Variants in TFAP2D observed in about 807,000 individuals in gnomAD.
TFAP2D encodes transcription factor AP-2 delta.
TFAP2D carries 9 observed loss-of-function variants against 43.6 expected under a neutral mutation model. The ratio of observed to expected loss-of-function variants is 0.21; its 90% CI spans 0.12 to 0.36. TFAP2D has a LOEUF of 0.36. TFAP2D is among the 10% of genes least tolerant of loss of function. TFAP2D has a pLI of 1.00. For missense variants in TFAP2D, 513 were observed against 561.4 expected (o/e 0.91, Z 0.87); for synonymous variants, 256 against 224.9 (o/e 1.14, Z -1.24).
At chr6:50,742,550 G>A (rs1413698780) in intron 5 of TFAP2D, among the ~76,000 whole-genome samples, 1 of 150,910 alleles carries the variant, frequency 6.6e-6, no homozygotes, top group African/African-American at 2.4e-5. Flanking sequence ...ATGGATGGGT[G>A]GATGGACACA....
chr6:50,741,587 C>A (rs531698356), intron 5 of TFAP2D, among the ~76,000 whole-genome samples: 1 of 151,920 alleles, frequency 6.6e-6, no homozygotes, highest in African/African-American at 2.4e-5. Flanking sequence ...GGCCTAAGAC[C>A]TAAAGACAGA....
In TFAP2D at chr6:50,729,007, A is replaced by C; in HGVS notation, c.750A>C (p.Gly250=). The change falls in exon 4 of 8, where the codon GGA becomes GGC. Residue 250 remains glycine, a synonymous_variant. Coordinates refer to ENST00000008391, the MANE Select transcript of TFAP2D (RefSeq NM_172238.4). The part of the protein sequence containing the change: ...PPECLNASLL[G]GILRRAKSKN... ...AGTGCCTCAATGCTTCACTCTTGGG[A>C]GGCATTTTGAGAAGGTAAGACAAAG... 1 of 1,613,736 alleles carries C rather than the reference A, an allele frequency of 6.2e-7. No individual in the cohort carries two copies. Among genetic ancestry groups the C allele is most frequent in the Non-Finnish European group, 8.5e-7 (1 of 1,179,866 alleles).
chr6:50,735,743 T>A (rs1044110279), intron 5 of TFAP2D, among the ~76,000 whole-genome samples: 1 of 152,190 alleles, frequency 6.6e-6, no homozygotes, highest in Non-Finnish European at 1.5e-5. Flanking sequence ...ATCTTGAGCC[T>A]AAATTATTGC....
rs543242673 is a variant in TFAP2D, at chr6:50,722,376, C to G, written c.598+3226C>G. ...CTGCAGAGATCATATTAATGTTGTA[C>G]GTACAGAGTGGAGCTTTGCCTTCGT... On this transcript the variant is annotated intron_variant, in intron 3 of 7. Transcript: ENST00000008391. 2.0e-5 allele frequency among the ~76,000 whole-genome samples: 3 copies of G among 152,236 alleles called. No individual in the cohort carries two copies. The South Asian group carries it at 6.2e-4, about 32-fold the overall frequency.
chr6:50,757,940 A>G (rs1308217856), intron 7 of TFAP2D, among the ~76,000 whole-genome samples: 2 of 149,054 alleles, frequency 1.3e-5, no homozygotes, highest in African/African-American at 2.5e-5. Flanking sequence ...CTTTTTATCC[A>G]TAGTACATAG....
intron 7 of TFAP2D, among the ~76,000 whole-genome samples, chr6:50,756,014 A>G: frequency 6.6e-6 from 1 of 151,852 alleles, no homozygotes; most frequent in Non-Finnish European, 1.5e-5. Flanking sequence ...GGCATGTGCC[A>G]CCATGCTTGG....
intron 7 of TFAP2D, among the ~76,000 whole-genome samples, chr6:50,763,325 G>A (rs1330737781): frequency 6.6e-6 from 1 of 152,054 alleles, no homozygotes; most frequent in African/African-American, 2.4e-5. Context: ...ATCTTTCAAG[G>A]TTGACAACTG....
Position 50,713,694 on chromosome 6 carries a change from C to A in TFAP2D, c.-362C>A. ...CGAAGATACAATATTTATTCCTTGT[C>A]TCCTGGGATAAATCTCTTCTGCCTA... On this transcript the variant is annotated 5_prime_UTR_variant, in exon 1 of 8. Coordinates refer to ENST00000008391, the MANE Select transcript of TFAP2D (RefSeq NM_172238.4). 3.2e-6 allele frequency: 1 copy of A among 309,198 alleles called. No homozygotes were observed. Among genetic ancestry groups the A allele is most frequent in the Non-Finnish European group, 5.9e-6 (1 of 168,704 alleles). 19.2% of individuals were successfully genotyped at this position (309,198 alleles called of 1,614,324 possible).
chr6:50,738,090 A>T (rs780141006), intron 5 of TFAP2D, among the ~76,000 whole-genome samples: 10 of 152,164 alleles, frequency 6.6e-5, no homozygotes, highest in Non-Finnish European at 1.3e-4. Flanking sequence ...ATTAAACAGG[A>T]GGCTATCAAT....
chr6:50,744,397 C>A (rs1037366991), intron 5 of TFAP2D, among the ~76,000 whole-genome samples: 20 of 151,566 alleles, frequency 1.3e-4, no homozygotes, highest in South Asian at 4.2e-4. Flanking sequence ...GCATAGTGTT[C>A]CATGGTATAT....
At chr6:50,744,114 G>T (rs1051490939) in intron 5 of TFAP2D, among the ~76,000 whole-genome samples, 1 of 152,098 alleles carries the variant, frequency 6.6e-6, no homozygotes, top group African/African-American at 2.4e-5. Context: ...CTGTGTCATG[G>T]GGGTTTGGTG....
rs573614967 is a variant in TFAP2D at position 50,752,166 on chromosome 6, G to A, written c.1139+842G>A. Among the ~76,000 whole-genome samples, 13 of 151,996 alleles carry A rather than the reference G, an allele frequency of 8.6e-5. No individual in the cohort carries two copies. In the South Asian group the frequency reaches 2.7e-3, roughly 32 times the overall value. On this transcript the variant is annotated intron_variant, in intron 7 of 7. Transcript: ENST00000008391. Reference sequence around the variant, plus strand: ...ATGAAATGTATTATTGGAGTCATATGTAACTAGCCTGCACATTGTGCACAT... The same window carrying A: ...ATGAAATGTATTATTGGAGTCATATATAACTAGCCTGCACATTGTGCACAT...
At chr6:50,715,072 AC>A (rs770052258) in intron 1 of TFAP2D, 43 bp from the exon 2 acceptor site, 76 of 1,583,936 alleles carry the variant, frequency 4.8e-5, no homozygotes, top group Non-Finnish European at 6.2e-5. Context: ...AAAATGACAA[AC>A]CTCAAGTTTT....
intron 5 of TFAP2D, among the ~76,000 whole-genome samples, chr6:50,743,921 C>G (rs1211997004): frequency 6.6e-6 from 1 of 152,178 alleles, no homozygotes; most frequent in Non-Finnish European, 1.5e-5. Context: ...TTATGACTAT[C>G]ATTTTCCTGG....
chr6:50,764,968 T>C (rs1330056501), intron 7 of TFAP2D, among the ~76,000 whole-genome samples: 1 of 152,188 alleles, frequency 6.6e-6, no homozygotes, highest in Non-Finnish European at 1.5e-5. Context: ...TGAATATATA[T>C]AATTTTCAAA....
chr6:50,713,959 C>A lies in TFAP2D; in HGVS notation c.-97C>A, dbSNP rs190705295. 6.4e-7 allele frequency: 1 copy of A among 1,552,012 alleles called. No individual in the cohort carries two copies. Among genetic ancestry groups the A allele is most frequent in the African/African-American group, 1.4e-5 (1 of 72,220 alleles). ...CTACCTATAGAACATTTTTTTTTTCCTTTAAAAATTGGAAAATACAAGAAG... is the reference window on the plus strand; with the variant it reads ...CTACCTATAGAACATTTTTTTTTTCATTTAAAAATTGGAAAATACAAGAAG... On this transcript the variant is annotated 5_prime_UTR_variant, in exon 1 of 8. Transcript: ENST00000008391.
At chr6:50,740,602 A>ATT (rs34083239) in intron 5 of TFAP2D, among the ~76,000 whole-genome samples, 2 of 151,220 alleles carry the variant, frequency 1.3e-5, no homozygotes, top group African/African-American at 2.4e-5. Context: ...CCAGCTAAAT[A>ATT]TTTTTTTTGT....
chr6:50,722,738 T>C (rs1325987807), intron 3 of TFAP2D, among the ~76,000 whole-genome samples: 9 of 151,882 alleles, frequency 5.9e-5, no homozygotes, highest in East Asian at 3.9e-4. Context: ...TGAGAAGACC[T>C]AGCTTTTCCT....
intron 6 of TFAP2D, among the ~76,000 whole-genome samples, chr6:50,746,398 C>T (rs1179451598): frequency 6.6e-6 from 1 of 151,902 alleles, no homozygotes; most frequent in Admixed American, 6.6e-5. Flanking sequence ...CCAGCACACC[C>T]ACCTGGTTTT....
Sources: allele counts gnomAD v4.1 joint callset (sites outside exome capture counted in the v4.1 genomes callset), GRCh38; gene constraint gnomAD v4.1.1; transcripts MANE v1.5; gene names NCBI Gene and HGNC (gene_info 2026-07-23, HGNC 2026-07-21).